The following ATP2C2 variants were observed in gnomAD, a reference collection of about 807,000 sequenced individuals.
ATP2C2 encodes calcium-transporting ATPase type 2C member 2.
A neutral mutation model predicts 110.8 loss-of-function variants in ATP2C2; 171 were observed. That is an observed-to-expected ratio of 1.54 (90% CI 1.36 to 1.75). The LOEUF is 1.75. Among genes scored for constraint, ATP2C2 ranks in the 40% most tolerant of loss-of-function variants. The pLI is 0.00. For synonymous variants in ATP2C2, 804 were observed against 508.4 expected (o/e 1.58, Z -7.82); for missense variants, 1,963 against 1,235.0 (o/e 1.59, Z -8.84).
intron 23 of ATP2C2, chr16:84,460,307 G>A (rs932412080): frequency 1.4e-4 from 51 of 358,280 alleles, no homozygotes; most frequent in Middle Eastern, 4.5e-4. Context: ...GGGGCTCTGC[G>A]GAGGGCGGAG....
intron 15 of ATP2C2, among the ~76,000 whole-genome samples, chr16:84,444,880 C>G (rs1001212231): frequency 2.0e-5 from 3 of 152,224 alleles, no homozygotes; most frequent in African/African-American, 7.2e-5. Flanking sequence ...TCTTACCTGT[C>G]TCACCTGCTC....
Position 84,461,783 on chromosome 16 carries a change from C to A in ATP2C2, c.2551C>A (p.Leu851Ile), listed in dbSNP as rs1362979603. 1.9e-6 allele frequency: 3 copies of A among 1,614,088 alleles called. No homozygotes were observed. In the African/African-American group the frequency reaches 4.0e-5, roughly 22 times the overall value. ...GTTCACTTGTTTTGTGTTTTTCGAT[C>A]TCTTCAACGCCTTGACCTGCCGCTC... ...MTFTCFVFFD[L>I]FNALTCRSQT... The change falls in exon 25 of 27, where the codon CTC (leucine) becomes ATC (isoleucine). Residue 851 changes from leucine to isoleucine, a missense_variant. Physicochemically the swap from Leu to Ile is conservative, Grantham distance 5. Coordinates refer to ENST00000262429, the MANE Select transcript of ATP2C2 (RefSeq NM_014861.4).
intron 2 of ATP2C2, among the ~76,000 whole-genome samples, chr16:84,400,479 A>C (rs541156794): frequency 1.2e-4 from 18 of 152,162 alleles, no homozygotes; most frequent in African/African-American, 4.3e-4. Flanking sequence ...GGCGCCTGCC[A>C]CCATGCCTGG....
intron 23 of ATP2C2, chr16:84,459,863 C>G (rs1258008773): frequency 5.2e-6 from 2 of 381,428 alleles, no homozygotes; most frequent in Non-Finnish European, 9.9e-6. Context: ...TCCCTGATGT[C>G]TAGAGATAAA....
intron 7 of ATP2C2, among the ~76,000 whole-genome samples, chr16:84,418,686 C>G (rs1907053297): frequency 6.6e-6 from 1 of 152,222 alleles, no homozygotes; most frequent in Admixed American, 6.5e-5. Flanking sequence ...CCCCGGGCCT[C>G]TAGCTCCGCA....
chr16:84,426,361 A>G (rs946175637), intron 11 of ATP2C2, among the ~76,000 whole-genome samples: 3 of 152,134 alleles, frequency 2.0e-5, no homozygotes, highest in East Asian at 1.9e-4. Flanking sequence ...CCATCGTCCA[A>G]TCTCCTCCCA....
chr16:84,384,619 C>G (rs1431098629), intron 1 of ATP2C2, among the ~76,000 whole-genome samples: 1 of 152,124 alleles, frequency 6.6e-6, no homozygotes, highest in Non-Finnish European at 1.5e-5. Context: ...GTGTCAGTAT[C>G]TGATTCTCGT....
intron 1 of ATP2C2, among the ~76,000 whole-genome samples, chr16:84,383,930 C>T (rs189217605): frequency 2.0e-5 from 3 of 151,608 alleles, no homozygotes; most frequent in African/African-American, 7.3e-5. Context: ...GCTGGGACTA[C>T]AGGCATGTGC....
chr16:84,440,129 C>T (rs919938202), intron 13 of ATP2C2, among the ~76,000 whole-genome samples: 1 of 152,234 alleles, frequency 6.6e-6, no homozygotes, highest in African/African-American at 2.4e-5. Context: ...TGAGCCACCA[C>T]GCCCAGCCTG....
chr16:84,432,902 C>A (rs534062941), intron 11 of ATP2C2, among the ~76,000 whole-genome samples: 1 of 152,166 alleles, frequency 6.6e-6, no homozygotes, highest in South Asian at 2.1e-4. Context: ...GGCTGTGATT[C>A]GACACTGTCC....
chr16:84,432,380 C>T (rs1908357165), intron 11 of ATP2C2, among the ~76,000 whole-genome samples: 1 of 152,160 alleles, frequency 6.6e-6, no homozygotes, highest in Non-Finnish European at 1.5e-5. Context: ...AACCCGTCAT[C>T]TAGGTTTTAA....
intron 7 of ATP2C2, among the ~76,000 whole-genome samples, chr16:84,417,787 G>A (rs1906971121): frequency 6.6e-6 from 1 of 152,198 alleles, no homozygotes; most frequent in Non-Finnish European, 1.5e-5. Flanking sequence ...TACTGGCTGT[G>A]AACACTCTAT....
intron 7 of ATP2C2, among the ~76,000 whole-genome samples, chr16:84,420,384 T>G (rs1165614504): frequency 6.6e-6 from 1 of 151,774 alleles, no homozygotes; most frequent in East Asian, 1.9e-4. Context: ...ATGTGCCTCC[T>G]CTCTTCCAAA....
intron 14 of ATP2C2, 40 bp from the exon 15 acceptor site, chr16:84,442,443 GCCCACAATGTCTAACTTTTTCATGAGC>G (rs1314983973): frequency 6.8e-7 from 1 of 1,479,460 alleles, no homozygotes; most frequent in African/African-American, 1.4e-5. Flanking sequence ...AATGGGACAG[GCCCACAATGTCTAACTTTTTCATGAGC>G]CCAGTACTAA....
chr16:84,460,999 C>G, intron 24 of ATP2C2, 198 bp downstream of exon 24: 1 of 728,602 alleles, frequency 1.4e-6, no homozygotes, highest in Non-Finnish European at 2.1e-6. Context: ...GGGAGGTCGC[C>G]AGGTGTGTGC....
rs540621167 is a variant in ATP2C2, at chr16:84,380,635, C to T, written c.99+11921C>T. Among the ~76,000 whole-genome samples, 88 of 152,250 alleles carry T rather than the reference C, an allele frequency of 5.8e-4. No homozygotes were observed. In the South Asian group the frequency reaches 0.017, roughly 30 times the overall value. ...GGCTGCAGGATTGTGGTTAAGAGCA[C>T]GGAAGTCTACAGCCCAGGCTGCCTG... On this transcript the variant is annotated intron_variant, in intron 1 of 26. Coordinates refer to ENST00000262429, the MANE Select transcript of ATP2C2 (RefSeq NM_014861.4).
intron 23 of ATP2C2, 140 bp from the exon 24 acceptor site, chr16:84,460,514 C>G (rs374192153): frequency 6.7e-6 from 8 of 1,188,996 alleles, no homozygotes; most frequent in Non-Finnish European, 9.9e-6. Context: ...AGGGCAGGTG[C>G]GATGCCTGGG....
At position 84,458,492 on chromosome 16, in the gene ATP2C2, T is replaced by C. The variant is rs1245043214; in HGVS notation, c.2148-628T>C. On this transcript the variant is annotated intron_variant, in intron 21 of 26. Transcript: ENST00000262429. ...CACATGTACCCTAAAACTTAGAGTA[T>C]AATAAAAAAAAAAAAATTTAAATAA... Among the ~76,000 whole-genome samples, 3 of 23,960 alleles carry C rather than the reference T, an allele frequency of 1.3e-4. No homozygotes were observed. In the South Asian group the frequency reaches 4.2e-3, roughly 33 times the overall value. The allele number at this position is 23,960 out of a possible 152,430, so 15.7% of individuals were successfully genotyped here. A position where few individuals can be genotyped will look rare whatever the true frequency, so the allele number is the denominator to read the frequency against.
intron 15 of ATP2C2, 85 bp downstream of exon 15, chr16:84,442,684 A>G: frequency 7.6e-7 from 1 of 1,323,976 alleles, no homozygotes; most frequent in South Asian, 1.2e-5. Flanking sequence ...TGTCTGAGCT[A>G]ACAGGAGTGG....
Sources: allele counts gnomAD v4.1 joint callset (sites outside exome capture counted in the v4.1 genomes callset), GRCh38; gene constraint gnomAD v4.1.1; transcripts MANE v1.5; gene names NCBI Gene and HGNC (gene_info 2026-07-23, HGNC 2026-07-21).